Variants in ALDH1L1 observed in about 807,000 individuals in gnomAD.
ALDH1L1 encodes aldehyde dehydrogenase 1 family member L1.
A neutral mutation model predicts 101.1 loss-of-function variants in ALDH1L1; 68 were observed. That is an observed-to-expected ratio of 0.67 (90% CI 0.55 to 0.82). The LOEUF is 0.82. Among genes scored for constraint, ALDH1L1 ranks in the 40% least tolerant of loss-of-function variants. ALDH1L1 has a pLI of 0.00. For missense variants in ALDH1L1, 1,087 were observed against 1,172.7 expected, an observed-to-expected ratio of 0.93 and a Z score of 1.07; for synonymous variants, 486 against 470.8, an observed-to-expected ratio of 1.03 and a Z score of -0.42.
At chr3:126,119,000 A>G (rs1038680779) in intron 16 of ALDH1L1, among the ~76,000 whole-genome samples, 1 of 152,084 alleles carries the variant, frequency 6.6e-6, no homozygotes, top group African/African-American at 2.4e-5. Flanking sequence ...GACTCAGCGT[A>G]GCTCCCCACT....
chr3:126,150,624 G>A (rs958932876), intron 7 of ALDH1L1, 93 bp from the exon 8 acceptor site: 19 of 1,413,200 alleles, frequency 1.3e-5, no homozygotes, highest in African/African-American at 1.0e-4. Context: ...GTGCGATCTC[G>A]GCTCACTACA....
At chr3:126,117,660 AAAC>A (rs1456660035) in intron 17 of ALDH1L1, among the ~76,000 whole-genome samples, 4 of 129,314 alleles carry the variant, frequency 3.1e-5, no homozygotes, top group African/African-American at 1.4e-4. Flanking sequence ...TCAAAAAAAA[AAAC>A]AACAACAAAA....
chr3:126,123,328 G>A lies in ALDH1L1; in HGVS notation c.1888+1036C>T, dbSNP rs568344513. On this transcript the variant is annotated intron_variant, in intron 16 of 22. Transcript: ENST00000393434. ...GCTGAAGTGCAGTGGCACAATCTCGGATCACTGCAAACTCCACCTCCCAGG... is the reference window on the plus strand; with the variant it reads ...GCTGAAGTGCAGTGGCACAATCTCGAATCACTGCAAACTCCACCTCCCAGG... Among the ~76,000 whole-genome samples, 12 of 151,172 alleles carry A rather than the reference G, an allele frequency of 7.9e-5. No homozygotes were observed. The South Asian group carries it at 2.5e-3, about 32-fold the overall frequency.
intron 1 of ALDH1L1, among the ~76,000 whole-genome samples, chr3:126,163,763 T>C (rs4518075): frequency 0.63 from 96,441 of 152,096 alleles, 30,628 homozygotes; most frequent in Middle Eastern, 0.67. Context: ...CACTTGACCA[T>C]GATGTATAAC....
At chr3:126,180,591 G>A (rs1316152578), upstream of ALDH1L1, 78 of 1,188,576 alleles carry the variant, frequency 6.6e-5, no homozygotes, top group Non-Finnish European at 8.1e-5. Flanking sequence ...ACCTGTCCCC[G>A]CCAGTCCGCG....
At chr3:126,111,037 T>A (rs2108181280) in intron 19 of ALDH1L1, among the ~76,000 whole-genome samples, 1 of 152,298 alleles carries the variant, frequency 6.6e-6, no homozygotes, top group East Asian at 1.9e-4. Context: ...GTCCCCGCAG[T>A]CACACTCCCC....
At chr3:126,108,552 T>C (rs577427161) in intron 20 of ALDH1L1, among the ~76,000 whole-genome samples, 1 of 152,284 alleles carries the variant, frequency 6.6e-6, no homozygotes, top group Admixed American at 6.5e-5. Flanking sequence ...GAACTCACAG[T>C]CCAGCGGGAG....
chr3:126,130,190 C>T (rs377232128), intron 14 of ALDH1L1, 33 bp downstream of exon 14: 34 of 1,579,536 alleles, frequency 2.2e-5, no homozygotes, highest in African/African-American at 1.5e-4. Flanking sequence ...GAAAGCACCG[C>T]GAGGCTGCAC....
At position 126,146,761 on chromosome 3, in the gene ALDH1L1, G is replaced by C. The variant is rs1442448837; in HGVS notation, c.1076+74C>G. The C allele has an allele frequency of 1.6e-5, 24 of 1,505,342 alleles. No individual in the cohort carries two copies. In the South Asian group the frequency reaches 2.9e-4, roughly 18 times the overall value. 93.2% of individuals were successfully genotyped at this position (1,505,342 alleles called of 1,614,324 possible). A position where few individuals can be genotyped will look rare whatever the true frequency, so the allele number is the denominator to read the frequency against. ...TGAGTGTAACAAATGGTTGTTTCCTGCTGCTCAGTTTTGCAGAGATTTGTG... is the reference window on the plus strand; with the variant it reads ...TGAGTGTAACAAATGGTTGTTTCCTCCTGCTCAGTTTTGCAGAGATTTGTG... On this transcript the variant is annotated intron_variant, in intron 9 of 22. Transcript: ENST00000393434.
At position 126,174,206 on chromosome 3, in the gene ALDH1L1, T is replaced by A. The variant is rs560180732; in HGVS notation, c.-24+6270A>T. On this transcript the variant is annotated intron_variant, in intron 1 of 22. Transcript: ENST00000393434. ...GGCATGCACCACCACGTCCGGCTAA[T>A]TTTGTATTTTTAGTAGAGCCTCCAT... Among the ~76,000 whole-genome samples the A allele has an allele frequency of 3.3e-5, 5 of 152,276 alleles. No homozygotes were observed. In the South Asian group the frequency reaches 8.3e-4, roughly 25 times the overall value.
At chr3:126,195,958 G>C (rs1190080804) in intron 1 of ALDH1L1, among the ~76,000 whole-genome samples, 2 of 152,064 alleles carry the variant, frequency 1.3e-5, no homozygotes, top group African/African-American at 4.8e-5. Context: ...ACCGGGGCCT[G>C]TCATGGGGTG....
rs1216560642 is a variant in ALDH1L1, at chr3:126,191,651, C to T, written c.-24+6084G>A. Among the ~76,000 whole-genome samples the T allele has an allele frequency of 2.6e-5, 4 of 152,204 alleles. No homozygotes were observed. The East Asian group carries it at 5.8e-4, about 22-fold the overall frequency. ...CAGTATCCTGCAAGTCTCAGAAAAC[C>T]TCTTCACTGTCTTTTAGCTGTAGGC... On this transcript the variant is annotated intron_variant, in intron 1 of 2. Coordinates refer to the ALDH1L1 transcript ENST00000509952.
intron 9 of ALDH1L1, 24 bp downstream of exon 9, chr3:126,146,811 G>A (rs2080695872): frequency 6.2e-7 from 1 of 1,611,282 alleles, no homozygotes; most frequent in Non-Finnish European, 8.5e-7. Context: ...ACCTGGGACA[G>A]GACCCCTCCA....
chr3:126,125,844 G>T, intron 14 of ALDH1L1, 123 bp from the exon 15 acceptor site: 1 of 618,164 alleles, frequency 1.6e-6, no homozygotes, highest in Non-Finnish European at 2.6e-6. Context: ...TCCTGATAAG[G>T]CACCCAAGGT....
chr3:126,195,794 G>A (rs945675024), intron 1 of ALDH1L1, among the ~76,000 whole-genome samples: 1 of 152,208 alleles, frequency 6.6e-6, no homozygotes, highest in Non-Finnish European at 1.5e-5. Flanking sequence ...AAAAAAGGAT[G>A]AGTTCATGTC....
At chr3:126,138,097 G>T in intron 9 of ALDH1L1, 137 bp from the exon 10 acceptor site, 1 of 1,108,852 alleles carries the variant, frequency 9.0e-7, no homozygotes, top group Non-Finnish European at 1.3e-6. Flanking sequence ...GCCCAGAACT[G>T]GGGAGAAGGG....
chr3:126,149,402 A>G (rs960113987), intron 8 of ALDH1L1, among the ~76,000 whole-genome samples: 8 of 152,208 alleles, frequency 5.3e-5, no homozygotes, highest in African/African-American at 1.9e-4. Flanking sequence ...GTCTACATCT[A>G]CAAACGATGA....
At chr3:126,158,298 G>A (rs781037153) in intron 3 of ALDH1L1, 107 bp downstream of exon 3, 3 of 1,109,676 alleles carry the variant, frequency 2.7e-6, no homozygotes, top group East Asian at 5.2e-5. Flanking sequence ...CCTGCACGAT[G>A]CCCACTCTGC....
chr3:126,154,403 A>G lies in ALDH1L1; in HGVS notation c.720+151T>C. On this transcript the variant is annotated intron_variant, in intron 6 of 22. Coordinates refer to ENST00000393434, the MANE Select transcript of ALDH1L1 (RefSeq NM_012190.4). ...TGGGTAGGTCTCTCACTCCTGGGGA[A>G]AGGCTGGGATGTTTAGGGGGCACCC... 4.0e-6 allele frequency: 3 copies of G among 747,590 alleles called. No homozygotes were observed. The South Asian group carries it at 5.1e-5, about 13-fold the overall frequency. The allele number at this position is 747,590 out of a possible 1,614,324, so 46.3% of individuals were successfully genotyped here.
Sources: allele counts gnomAD v4.1 joint callset (sites outside exome capture counted in the v4.1 genomes callset), GRCh38; gene constraint gnomAD v4.1.1; transcripts MANE v1.5; gene names NCBI Gene and HGNC (gene_info 2026-07-23, HGNC 2026-07-21).